Variants in COL6A6 observed in about 807,000 individuals in gnomAD.
The protein encoded by COL6A6 is collagen alpha-6(VI) chain.
A neutral mutation model predicts 208.6 loss-of-function variants in COL6A6; 183 were observed. The observed-to-expected ratio is 0.88, with a 90% CI of 0.78 to 0.99. The LOEUF (loss-of-function observed/expected upper bound fraction) is 0.99. Among genes scored for constraint, COL6A6 ranks in the 50% least tolerant of loss-of-function variants. The probability of loss-of-function intolerance (pLI) is 0.00; values close to 1 mark genes in which losing one functional copy is unlikely to be tolerated. For missense variants in COL6A6, 2,816 were observed against 2,815.2 expected (o/e 1.00, Z -0.01); for synonymous variants, 973 against 1,011.8 (o/e 0.96, Z 0.73).
At chr3:130,627,947 A>G (rs2064940447) in intron 26 of COL6A6, among the ~76,000 whole-genome samples, 1 of 152,216 alleles carries the variant, frequency 6.6e-6, no homozygotes, top group East Asian at 1.9e-4. Flanking sequence ...TACAAAATAC[A>G]AAAAACATAA....
intron 35 of COL6A6, 23 bp downstream of exon 35, chr3:130,662,331 C>T (rs775020676): frequency 1.9e-6 from 3 of 1,592,298 alleles, no homozygotes; most frequent in Non-Finnish European, 2.6e-6. Flanking sequence ...ATCTGTTGTT[C>T]TCTGCACTTT....
intron 8 of COL6A6, among the ~76,000 whole-genome samples, chr3:130,579,553 T>A (rs1432098715): frequency 6.6e-6 from 1 of 152,240 alleles, no homozygotes; most frequent in Admixed American, 6.5e-5. Flanking sequence ...CTTATCACCC[T>A]CTGTAGCCAG....
intron 34 of COL6A6, among the ~76,000 whole-genome samples, 186 bp from the exon 35 acceptor site, chr3:130,661,451 A>G (rs2065927543): frequency 6.6e-6 from 1 of 152,244 alleles, no homozygotes. Context: ...CAAGCTGGGT[A>G]TAAAATCTGT....
intron 1 of COL6A6, among the ~76,000 whole-genome samples, chr3:130,540,743 T>G (rs1220778152): frequency 6.6e-6 from 1 of 152,196 alleles, no homozygotes; most frequent in African/African-American, 2.4e-5. Context: ...TACTTATAAG[T>G]AAGAACATGA....
At chr3:130,619,354 C>T (rs1224911604) in intron 23 of COL6A6, among the ~76,000 whole-genome samples, 1 of 151,998 alleles carries the variant, frequency 6.6e-6, no homozygotes, top group Non-Finnish European at 1.5e-5. Flanking sequence ...AAAAAATGGA[C>T]CAGCTGAGGG....
In COL6A6 at chr3:130,518,708, T is replaced by G. The variant is rs532708438; in HGVS notation, c.-32+1311T>G. ...TTTAGTAGAGACGGGGTTTCTCCAT[T>G]TTGGTCAGGTTGGTCTCGAACTCCT... On this transcript the variant is annotated intron_variant, in intron 1 of 36. Transcript: ENST00000358511. Among the ~76,000 whole-genome samples, 20 of 152,252 alleles carry G rather than the reference T, an allele frequency of 1.3e-4. No homozygotes were observed. The East Asian group carries it at 3.5e-3, about 27-fold the overall frequency.
intron 23 of COL6A6, among the ~76,000 whole-genome samples, chr3:130,615,111 G>A (rs574426153): frequency 1.5e-3 from 233 of 152,066 alleles, no homozygotes; most frequent in African/African-American, 2.9e-3. Flanking sequence ...CCTTATCTGC[G>A]TCCCAGAGAT....
rs1369952381 is a variant in COL6A6, at chr3:130,641,730, A to G, written c.5154+16A>G. 2.0e-6 allele frequency: 3 copies of G among 1,514,110 alleles called. No homozygotes were observed. Among genetic ancestry groups the G allele is most frequent in the Admixed American group, 1.7e-5 (1 of 58,272 alleles). 93.8% of individuals were successfully genotyped at this position (1,514,110 alleles called of 1,614,324 possible). On this transcript the variant is annotated intron_variant, in intron 29 of 36. Transcript: ENST00000358511. ...TGGACGTAAGGTAAGTAGAAAAACT[A>G]TAAACCACAGCAGGTCCTTTTCCAT... is the stretch of plus-strand genomic sequence containing the variant.
At chr3:130,575,926 C>G (rs984711723) in intron 8 of COL6A6, among the ~76,000 whole-genome samples, 1 of 152,016 alleles carries the variant, frequency 6.6e-6, no homozygotes, top group Non-Finnish European at 1.5e-5. Context: ...AAGTATGTCT[C>G]TATTCCAGAG....
chr3:130,592,635 G>A (rs773484497), intron 14 of COL6A6, 23 bp downstream of exon 14: 1 of 1,612,684 alleles, frequency 6.2e-7, no homozygotes, highest in Admixed American at 1.7e-5. Flanking sequence ...TAAGAGTGTG[G>A]AGTTTTCTCA....
At chr3:130,644,906 G>A (rs2065424004) in intron 31 of COL6A6, 85 bp from the exon 32 acceptor site, 2 of 1,278,022 alleles carry the variant, frequency 1.6e-6, no homozygotes, top group African/African-American at 1.5e-5. Flanking sequence ...AAAGCAGACA[G>A]GATAGAACCT....
intron 23 of COL6A6, 124 bp from the exon 24 acceptor site, chr3:130,621,697 C>A: frequency 4.4e-6 from 3 of 674,444 alleles, no homozygotes; most frequent in Non-Finnish European, 4.9e-6. Flanking sequence ...TTTTCCAGAG[C>A]AAGGATCGAT....
intron 1 of COL6A6, among the ~76,000 whole-genome samples, chr3:130,554,990 A>G (rs1267492671): frequency 6.6e-6 from 1 of 152,254 alleles, no homozygotes; most frequent in East Asian, 1.9e-4. Context: ...AGGCCAGCAG[A>G]CAGGGCAGCA....
chr3:130,666,788 A>C (rs532781210), intron 36 of COL6A6, among the ~76,000 whole-genome samples: 1 of 152,356 alleles, frequency 6.6e-6, no homozygotes, highest in Non-Finnish European at 1.5e-5. Flanking sequence ...CCAATATTCA[A>C]AGACATAAAG....
Position 130,606,938 on chromosome 3 carries a change from A to T in COL6A6, c.4661A>T (p.His1554Leu). Residue 1554 changes from histidine to leucine, a missense_variant, in exon 21 of 37, where the codon CAT (histidine) becomes CTT (leucine). Physicochemically the swap from His to Leu is moderately conservative, Grantham distance 99 (BLOSUM62 -3). Coordinates refer to ENST00000358511, the MANE Select transcript of COL6A6 (RefSeq NM_001102608.3). The part of the protein sequence containing the change: ...TPGSRRKTAA[H>L]GRRGHTGPQG... ...CCTTTTCTTCTATTTTAGGCAGCTC[A>T]TGGCAGAAGGGGACATACAGGCCCA... The T allele has an allele frequency of 2.5e-6, 4 of 1,609,816 alleles. No individual in the cohort carries two copies. The highest frequency in any genetic ancestry group is 2.5e-6 in the Non-Finnish European group (3 of 1,178,206).
Position 130,570,955 on chromosome 3 carries a change from C to T in COL6A6, c.2539C>T (p.Arg847Trp), listed in dbSNP as rs539130714. Residue 847 changes from arginine to tryptophan, a missense_variant, in exon 7 of 37, where the codon CGG (arginine) becomes TGG (tryptophan). By Grantham distance (101) the Arg-to-Trp change is moderately radical (BLOSUM62 -3). Transcript: ENST00000358511. ...KKADVGKNQV[R>W]FGALKYADDP... is the part of the protein sequence containing the mutation. Reference sequence around the variant, plus strand: ...AGCTGATGTGGGCAAGAATCAGGTCCGGTTTGGGGCTCTGAAGTATGCTGA... The same window carrying T: ...AGCTGATGTGGGCAAGAATCAGGTCTGGTTTGGGGCTCTGAAGTATGCTGA... The T allele has an allele frequency of 1.7e-5, 28 of 1,613,816 alleles. No homozygotes were observed. Among genetic ancestry groups the T allele is most frequent in the African/African-American group, 4.0e-5 (3 of 74,910 alleles).
intron 1 of COL6A6, among the ~76,000 whole-genome samples, chr3:130,553,984 CT>C (rs1376066431): frequency 1.3e-5 from 2 of 152,198 alleles, no homozygotes; most frequent in Non-Finnish European, 2.9e-5. Flanking sequence ...CAGCTTAGCA[CT>C]GCTGGACTGC....
chr3:130,672,977 C>G (rs1244505842), intron 36 of COL6A6, among the ~76,000 whole-genome samples: 3 of 147,286 alleles, frequency 2.0e-5, no homozygotes, highest in Non-Finnish European at 4.5e-5. Context: ...TGCCACTGCA[C>G]CTCCAGCCTG....
At chr3:130,545,183 T>C (rs2062461510) in intron 1 of COL6A6, among the ~76,000 whole-genome samples, 1 of 152,174 alleles carries the variant, frequency 6.6e-6, no homozygotes, top group South Asian at 2.1e-4. Context: ...TTATACATTT[T>C]GAGTTGGTTT....
Sources: allele counts gnomAD v4.1 joint callset (sites outside exome capture counted in the v4.1 genomes callset), GRCh38; gene constraint gnomAD v4.1.1; transcripts MANE v1.5; gene names NCBI Gene and HGNC (gene_info 2026-07-23, HGNC 2026-07-21).